The following MEI4 variants were observed in gnomAD, a reference collection of about 807,000 sequenced individuals.
MEI4 encodes meiotic double-stranded break formation protein 4.
Under a neutral mutation model 31.4 loss-of-function variants are expected in MEI4, and 27 were observed. That is an observed-to-expected ratio of 0.86 (90% confidence interval 0.63 to 1.19). The LOEUF (loss-of-function observed/expected upper bound fraction) is 1.19, where lower values mean the gene tolerates loss of function less well. Ranked by LOEUF, MEI4 falls within the 50% of genes most tolerant of loss-of-function variation. The pLI is 0.00. For synonymous variants in MEI4, 122 were observed against 145.4 expected (o/e 0.84, Z 1.16); for missense variants, 329 against 398.9 (o/e 0.82, Z 1.49).
At chr6:77,678,835 G>A (rs943127324) in intron 1 of MEI4, among the ~76,000 whole-genome samples, 2 of 152,052 alleles carry the variant, frequency 1.3e-5, no homozygotes, top group Admixed American at 6.6e-5. Flanking sequence ...AAGACCTTCC[G>A]GTGGGACAAG....
At chr6:77,700,128 C>T (rs1447409278) in intron 2 of MEI4, among the ~76,000 whole-genome samples, 3 of 152,316 alleles carry the variant, frequency 2.0e-5, no homozygotes, top group Admixed American at 6.5e-5. Context: ...AAGTTGTCAG[C>T]AGGGATATTT....
intron 3 of MEI4, among the ~76,000 whole-genome samples, chr6:77,810,595 A>G (rs1478332759): frequency 6.6e-6 from 1 of 152,156 alleles, no homozygotes; most frequent in African/African-American, 2.4e-5. Flanking sequence ...TAGAATTCCT[A>G]GGCTGTCATT....
upstream of MEI4, among the ~76,000 whole-genome samples, chr6:77,650,450 C>G (rs749498387): frequency 6.6e-6 from 1 of 152,236 alleles, no homozygotes; most frequent in Non-Finnish European, 1.5e-5. Flanking sequence ...AGCGTTTCCC[C>G]GCTGGCTCTG....
intron 3 of MEI4, among the ~76,000 whole-genome samples, chr6:77,800,824 GT>G (rs1769234300): frequency 6.6e-6 from 1 of 152,144 alleles, no homozygotes; most frequent in African/African-American, 2.4e-5. Context: ...AACCAGCCTT[GT>G]ATCCCAGGGA....
At chr6:77,701,850 G>A (rs1766231197) in intron 2 of MEI4, among the ~76,000 whole-genome samples, 1 of 152,152 alleles carries the variant, frequency 6.6e-6, no homozygotes, top group African/African-American at 2.4e-5. Context: ...AGTATGCAGA[G>A]CAGTGTAAGT....
At chr6:77,864,049 C>G (rs1770947841) in intron 4 of MEI4, among the ~76,000 whole-genome samples, 1 of 152,140 alleles carries the variant, frequency 6.6e-6, no homozygotes, top group South Asian at 2.1e-4. Context: ...TTGTCACCAC[C>G]AGGCCTGCCC....
intron 4 of MEI4, among the ~76,000 whole-genome samples, chr6:77,844,010 G>A (rs1375136303): frequency 3.3e-5 from 5 of 152,042 alleles, no homozygotes; most frequent in Admixed American, 2.0e-4. Flanking sequence ...TGGTGGTTAA[G>A]TATAGGTATT....
intron 2 of MEI4, among the ~76,000 whole-genome samples, chr6:77,758,155 C>CAAAAAAAAA (rs58249702): frequency 3.5e-5 from 4 of 115,826 alleles, no homozygotes; most frequent in Admixed American, 9.2e-5. Context: ...CTCCATCTCA[C>CAAAAAAAAA]AAAAAAAAAA....
At chr6:77,698,112 T>A (rs1766103674) in intron 2 of MEI4, among the ~76,000 whole-genome samples, 1 of 152,192 alleles carries the variant, frequency 6.6e-6, no homozygotes, top group South Asian at 2.1e-4. Context: ...TGTTTTCCAT[T>A]TCCTTGGTAG....
At chr6:77,817,900 C>T (rs1769724399) in intron 3 of MEI4, among the ~76,000 whole-genome samples, 1 of 152,160 alleles carries the variant, frequency 6.6e-6, no homozygotes, top group African/African-American at 2.4e-5. Context: ...GTCCTTGTGT[C>T]ACTCACTTAG....
At chr6:77,911,967 T>C (rs1308364794) in intron 4 of MEI4, among the ~76,000 whole-genome samples, 1 of 151,946 alleles carries the variant, frequency 6.6e-6, no homozygotes, top group African/African-American at 2.4e-5. Context: ...TCATGGCTTA[T>C]ATTTAAGTCT....
At chr6:77,707,044 G>C (rs1199993221) in intron 2 of MEI4, among the ~76,000 whole-genome samples, 1 of 151,886 alleles carries the variant, frequency 6.6e-6, no homozygotes, top group East Asian at 1.9e-4. Flanking sequence ...TTTGAAAGTG[G>C]GCAATGGGCA....
chr6:77,680,843 T>G (rs1464372899), intron 1 of MEI4, among the ~76,000 whole-genome samples: 2 of 152,188 alleles, frequency 1.3e-5, no homozygotes, highest in East Asian at 3.9e-4. Flanking sequence ...TCAATGAAAT[T>G]TAAATGAGTG....
At chr6:77,783,776 A>T (rs944363912) in intron 3 of MEI4, among the ~76,000 whole-genome samples, 6 of 152,264 alleles carry the variant, frequency 3.9e-5, no homozygotes, top group Non-Finnish European at 8.8e-5. Flanking sequence ...CATGATTTCA[A>T]ATAAAATCAA....
At chr6:77,857,608 G>A (rs1770775823) in intron 4 of MEI4, among the ~76,000 whole-genome samples, 2 of 152,074 alleles carry the variant, frequency 1.3e-5, no homozygotes, top group Admixed American at 1.3e-4. Context: ...TGTCCATCTG[G>A]CCCCTCTGAC....
chr6:77,777,869 T>C (rs758102816), intron 3 of MEI4, among the ~76,000 whole-genome samples: 1 of 151,998 alleles, frequency 6.6e-6, no homozygotes, highest in Non-Finnish European at 1.5e-5. Context: ...TTTTAAAATT[T>C]TCAGGGAATT....
chr6:77,780,452 G>GT (rs1768564472), intron 3 of MEI4, among the ~76,000 whole-genome samples: 1 of 152,128 alleles, frequency 6.6e-6, no homozygotes, highest in African/African-American at 2.4e-5. Context: ...TGCCACAACT[G>GT]TTTCTGTGAG....
chr6:77,704,080 C>T (rs538409587), intron 2 of MEI4, among the ~76,000 whole-genome samples: 3 of 152,268 alleles, frequency 2.0e-5, no homozygotes, highest in African/African-American at 4.8e-5. Context: ...AGAAGAAATA[C>T]AGAGCGCAAG....
intron 3 of MEI4, among the ~76,000 whole-genome samples, chr6:77,782,520 C>T (rs1174105036): frequency 2.0e-5 from 3 of 152,056 alleles, no homozygotes; most frequent in East Asian, 3.9e-4. Flanking sequence ...ATTTTGGAGA[C>T]TTTATTCCAG....
Sources: gnomAD v4.1 joint callset for allele counts (sites outside exome capture counted in the v4.1 genomes callset) on GRCh38, gnomAD v4.1.1 for gene constraint, MANE v1.5 for transcripts, NCBI Gene and HGNC (gene_info 2026-07-23, HGNC 2026-07-21) for gene names.